EML6: variants seen among roughly 807,000 people sequenced by gnomAD.
EML6 encodes the protein echinoderm microtubule-associated protein-like 6.
A neutral mutation model predicts 240.1 loss-of-function variants in EML6; 154 were observed. That is an observed-to-expected ratio of 0.64 (90% confidence interval 0.56 to 0.73). The LOEUF (loss-of-function observed/expected upper bound fraction) is 0.73. Ranked by LOEUF, EML6 falls within the 30% of genes least tolerant of loss-of-function variation. The pLI is 0.00. For synonymous variants in EML6, 1,148 were observed against 899.0 expected, an observed-to-expected ratio of 1.28 and a Z score of -4.95; for missense variants, 2,964 against 2,474.6, an observed-to-expected ratio of 1.20 and a Z score of -4.20.
In EML6 at chr2:54,950,790, G is replaced by T. The variant is rs1558718972; in HGVS notation, c.4213+11G>T. 1.9e-6 allele frequency: 3 copies of T among 1,544,650 alleles called. No individual in the cohort carries two copies. Among genetic ancestry groups the T allele is most frequent in the Non-Finnish European group, 2.6e-6 (3 of 1,144,580 alleles). Reference sequence around the variant, plus strand: ...AGAACCTCTCCACAGGTAACCGGGGGTTAAAAAATACAGGTTTTTCTTTTA... The same window carrying T: ...AGAACCTCTCCACAGGTAACCGGGGTTTAAAAAATACAGGTTTTTCTTTTA... On this transcript the variant is annotated intron_variant, in intron 30 of 41. Coordinates refer to ENST00000356458, the MANE Select transcript of EML6 (RefSeq NM_001039753.4).
chr2:54,931,208 C>T (rs371716544), intron 28 of EML6, among the ~76,000 whole-genome samples: 6 of 151,900 alleles, frequency 3.9e-5, no homozygotes, highest in South Asian at 2.1e-4. Flanking sequence ...CCGCCCGCCT[C>T]GGCCTCCCAA....
At chr2:54,786,434 A>G (rs1335248066) in intron 2 of EML6, among the ~76,000 whole-genome samples, 3 of 152,202 alleles carry the variant, frequency 2.0e-5, no homozygotes, top group Non-Finnish European at 4.4e-5. Flanking sequence ...TAGGAGAGCC[A>G]AAGACCACAC....
intron 36 of EML6, among the ~76,000 whole-genome samples, 189 bp from the exon 37 acceptor site, chr2:54,963,797 C>G (rs555550707): frequency 6.6e-6 from 1 of 152,238 alleles, no homozygotes; most frequent in Non-Finnish European, 1.5e-5. Context: ...TGTTGTCCCC[C>G]AAGCTGCTCT....
chr2:54,947,372 G>A (rs1010457593), intron 28 of EML6, among the ~76,000 whole-genome samples: 2 of 152,154 alleles, frequency 1.3e-5, no homozygotes, highest in African/African-American at 4.8e-5. Flanking sequence ...TTGCAGAGAT[G>A]TGCTGTCTAC....
rs185717217 is a variant in EML6, at chr2:54,759,263, C to G, written c.197+34005C>G. On this transcript the variant is annotated intron_variant, in intron 2 of 41. Coordinates refer to ENST00000356458, the MANE Select transcript of EML6 (RefSeq NM_001039753.4). ...ATCTGATAATTAGGCCCACAGTTTA[C>G]AGTGGCTTTGACTGGTATTTCATGT... Among the ~76,000 whole-genome samples, 5 of 150,516 alleles carry G rather than the reference C, an allele frequency of 3.3e-5. No homozygotes were observed. In the Admixed American group the frequency reaches 3.3e-4, roughly 10 times the overall value.
chr2:54,908,467 A>T, intron 24 of EML6, among the ~76,000 whole-genome samples: 1 of 152,126 alleles, frequency 6.6e-6, no homozygotes, highest in East Asian at 1.9e-4. Context: ...ATAACAGATG[A>T]GTTTATTGGA....
intron 35 of EML6, 74 bp from the exon 36 acceptor site, chr2:54,962,449 C>T: frequency 8.7e-7 from 1 of 1,149,396 alleles, no homozygotes; most frequent in Non-Finnish European, 1.2e-6. Flanking sequence ...ATGAATTTGT[C>T]TACTCTAGAT....
intron 24 of EML6, among the ~76,000 whole-genome samples, chr2:54,907,150 A>G (rs1202683153): frequency 6.6e-6 from 1 of 152,200 alleles, no homozygotes; most frequent in African/African-American, 2.4e-5. Context: ...GAAAACATAG[A>G]AAGGGTATTT....
rs144301192 is a variant in EML6, at chr2:54,838,593, C to A, written c.848-5454C>A. On this transcript the variant is annotated intron_variant, in intron 7 of 41. Coordinates refer to ENST00000356458, the MANE Select transcript of EML6 (RefSeq NM_001039753.4). The stretch of plus-strand genomic sequence containing the variant: ...CAGACTAGATCTCCCCATGGCCAGG[C>A]TTCAGGACTGTAGCAGAGGGAATTG... Among the ~76,000 whole-genome samples, 1,283 of 152,332 alleles carry A rather than the reference C, an allele frequency of 8.4e-3. 17 individuals carry two copies. Among genetic ancestry groups the A allele is most frequent in the Middle Eastern group, 0.014 (4 of 294 alleles).
At chr2:54,800,097 T>A (rs1670043450) in intron 2 of EML6, among the ~76,000 whole-genome samples, 1 of 152,066 alleles carries the variant, frequency 6.6e-6, no homozygotes, top group African/African-American at 2.4e-5. Flanking sequence ...TTACAAAAAT[T>A]AGCTGGGTGT....
At chr2:54,887,126 C>G (rs1468213652) in intron 17 of EML6, among the ~76,000 whole-genome samples, 1 of 152,224 alleles carries the variant, frequency 6.6e-6, no homozygotes, top group African/African-American at 2.4e-5. Flanking sequence ...CCCAGAACAT[C>G]TAATTTTTCT....
intron 17 of EML6, chr2:54,882,421 A>C (rs1365189016): frequency 6.6e-6 from 1 of 152,140 alleles, no homozygotes; most frequent in Non-Finnish European, 1.5e-5. Flanking sequence ...ATGATTAATC[A>C]GGTACATCTG....
intron 21 of EML6, among the ~76,000 whole-genome samples, chr2:54,897,789 G>T (rs1403771124): frequency 6.7e-6 from 1 of 150,066 alleles, no homozygotes; most frequent in Non-Finnish European, 1.5e-5. Context: ...GTCAATGTTT[G>T]TTGGGCTCCT....
In EML6 at chr2:54,888,614, T is replaced by C. The variant is rs146623909; in HGVS notation, c.2439-2440T>C. On this transcript the variant is annotated intron_variant, in intron 17 of 41. Coordinates refer to ENST00000356458, the MANE Select transcript of EML6 (RefSeq NM_001039753.4). The stretch of plus-strand genomic sequence containing the variant: ...AGAATGTCATATAATTGGAACTATA[T>C]AGTATGTAGTCTTTTCTGATTGGCT... Among the ~76,000 whole-genome samples, 13 of 152,308 alleles carry C rather than the reference T, an allele frequency of 8.5e-5. No homozygotes were observed. In the East Asian group the frequency reaches 2.3e-3, roughly 27 times the overall value.
At chr2:54,800,664 AC>A (rs1260983433) in intron 2 of EML6, among the ~76,000 whole-genome samples, 2 of 151,980 alleles carry the variant, frequency 1.3e-5, no homozygotes. Flanking sequence ...CCTGGCTCCA[AC>A]CCCTAGGACA....
chr2:54,782,010 T>C (rs1261940028), intron 2 of EML6, among the ~76,000 whole-genome samples: 1 of 152,202 alleles, frequency 6.6e-6, no homozygotes, highest in African/African-American at 2.4e-5. Context: ...AATATTGAGT[T>C]ACCTTTTCTA....
rs1396091303 is a variant in EML6 at position 54,960,298 on chromosome 2, G to C, written c.4932G>C (p.Gln1644His). The change falls in exon 35 of 42, where the codon CAG (glutamine) becomes CAC (histidine). Residue 1644 changes from glutamine (Q) to histidine (H), a missense_variant. Coordinates refer to ENST00000356458, the MANE Select transcript of EML6 (RefSeq NM_001039753.4). ...GGGCCTTTCAGCTGGAGACCGGGCA[G>C]CTGGTGGAGTGTGTGCGCTCCGTGT... ...RCRAFQLETG[Q>H]LVECVRSVCR... The C allele has an allele frequency of 1.3e-6, 2 of 1,550,908 alleles. No homozygotes were observed. Among genetic ancestry groups the C allele is most frequent in the African/African-American group, 1.4e-5 (1 of 73,056 alleles).
Position 54,746,365 on chromosome 2 carries a change from C to G in EML6, c.197+21107C>G, listed in dbSNP as rs1001787053. On this transcript the variant is annotated intron_variant, in intron 2 of 41. Transcript: ENST00000356458. ...ATCCTTAATCAAGAGGACATATCTG[C>G]TTTGATGGAGCAACAAGTCAGAGGT... Among the ~76,000 whole-genome samples the G allele has an allele frequency of 4.6e-5, 7 of 151,322 alleles. No individual in the cohort carries two copies. In the East Asian group the frequency reaches 1.3e-3, roughly 29 times the overall value.
intron 13 of EML6, among the ~76,000 whole-genome samples, chr2:54,864,873 TG>T (rs560964281): frequency 2.6e-5 from 4 of 152,200 alleles, no homozygotes; most frequent in Non-Finnish European, 4.4e-5. Flanking sequence ...ATTCAGAGTT[TG>T]AAAAATTGTG....
Sources: gnomAD v4.1 joint callset for allele counts (sites outside exome capture counted in the v4.1 genomes callset) on GRCh38, gnomAD v4.1.1 for gene constraint, MANE v1.5 for transcripts, NCBI Gene and HGNC (gene_info 2026-07-23, HGNC 2026-07-21) for gene names.